Variants in MAPKBP1 observed in about 807,000 individuals in gnomAD.
MAPKBP1 encodes mitogen-activated protein kinase-binding protein 1.
MAPKBP1 carries 71 observed loss-of-function variants against 170.5 expected under a neutral mutation model. That is an observed-to-expected ratio of 0.42 (90% CI 0.34 to 0.51). MAPKBP1 has a LOEUF of 0.51. MAPKBP1 is among the 20% of genes least tolerant of loss of function. The pLI is 0.06. For synonymous variants in MAPKBP1, 719 were observed against 757.9 expected, an observed-to-expected ratio of 0.95 and a Z score of 0.84; for missense variants, 1,598 against 1,933.0, an observed-to-expected ratio of 0.83 and a Z score of 3.25.
At chr15:41,794,432 A>G (rs1290605339) in intron 2 of MAPKBP1, among the ~76,000 whole-genome samples, 1 of 152,158 alleles carries the variant, frequency 6.6e-6, no homozygotes, top group East Asian at 1.9e-4. Flanking sequence ...AATATTTGCT[A>G]TGCAATATTT....
Position 41,818,512 on chromosome 15 carries a change from T to G in MAPKBP1, c.2093-7T>G. On this transcript the variant is annotated splice_region_variant and splice_polypyrimidine_tract_variant and intron_variant, in intron 18 of 30. Coordinates refer to ENST00000457542, the MANE Select transcript of MAPKBP1 (RefSeq NM_014994.3). This position sits in a 1 kb window ranked among gnomAD's most constrained non-coding sequence, Gnocchi z 5.2. ...GGCTTATAGACCGTATTCTTTGTTC[T>G]TCACAGAGATTGTCACTGGCATGAA... is the stretch of plus-strand genomic sequence containing the variant. 1 of 1,611,714 alleles carries G rather than the reference T, an allele frequency of 6.2e-7. No individual in the cohort carries two copies. The highest frequency in any genetic ancestry group is 1.7e-4 in the Middle Eastern group (1 of 6,050).
chr15:41,785,106 C>G (rs2064261332), intron 2 of MAPKBP1, among the ~76,000 whole-genome samples: 1 of 152,092 alleles, frequency 6.6e-6, no homozygotes, highest in Non-Finnish European at 1.5e-5. Flanking sequence ...TAAGGGGTTG[C>G]TAATACTATC....
chr15:41,777,535 G>A (rs1053615474), intron 2 of MAPKBP1, among the ~76,000 whole-genome samples: 5 of 152,184 alleles, frequency 3.3e-5, no homozygotes, highest in Non-Finnish European at 1.5e-5. Flanking sequence ...TCCTGAAGCT[G>A]TGTATGAAAG....
At chr15:41,798,737 G>A (rs2064540686) in intron 2 of MAPKBP1, among the ~76,000 whole-genome samples, 1 of 152,184 alleles carries the variant, frequency 6.6e-6, no homozygotes, top group Non-Finnish European at 1.5e-5. Context: ...AAGTGTTTCT[G>A]GTTTACATTG....
At chr15:41,811,537 G>A in intron 5 of MAPKBP1, 1 of 653,760 alleles carries the variant, frequency 1.5e-6, no homozygotes. Flanking sequence ...TGCTGGTGAA[G>A]GAAGCGTGCT....
intron 21 of MAPKBP1, 38 bp from the exon 22 acceptor site, chr15:41,819,557 G>GGGA: frequency 1.4e-6 from 2 of 1,384,680 alleles, no homozygotes; most frequent in Non-Finnish European, 2.0e-6. Context: ...CGGGGGGGGG[G>GGGA]CAGGAGACAC....
At chr15:41,803,816 T>C (rs745832891) in intron 3 of MAPKBP1, among the ~76,000 whole-genome samples, 15 of 152,128 alleles carry the variant, frequency 9.9e-5, no homozygotes, top group Admixed American at 9.2e-4. Flanking sequence ...CTCTGATTGT[T>C]AAAATGGCAC....
intron 2 of MAPKBP1, among the ~76,000 whole-genome samples, chr15:41,797,943 TCAGAGATAA>T (rs1191279074): frequency 6.6e-6 from 1 of 152,004 alleles, no homozygotes; most frequent in African/African-American, 2.4e-5. Context: ...AAAACGATCT[TCAGAGATAA>T]GAATTTAAAC....
chr15:41,821,712 C>T lies in MAPKBP1; in HGVS notation c.2847C>T (p.Val949=), dbSNP rs1354478492. The change falls in exon 24 of 31, where the codon GTC becomes GTT. Residue 949 remains valine (V), a synonymous_variant. Transcript: ENST00000457542. ...CTGCACCCATTGAAGATGGTATTGT[C>T]TACCCGGAGCCGAGTGACAACCCCA... ...LEPAPIEDGI[V]YPEPSDNPTM... The T allele has an allele frequency of 6.2e-7, 1 of 1,614,148 alleles. No homozygotes were observed.
At chr15:41,816,482 A>G (rs774149258) in intron 12 of MAPKBP1, 77 bp from the exon 13 acceptor site, 4 of 968,682 alleles carry the variant, frequency 4.1e-6, no homozygotes, top group Non-Finnish European at 6.5e-6. Context: ...AGGAGGAGAA[A>G]ATGTAGCAGA....
chr15:41,822,165 G>C (rs972572315), intron 25 of MAPKBP1, 55 bp downstream of exon 25: 2 of 1,596,138 alleles, frequency 1.3e-6, no homozygotes, highest in Non-Finnish European at 1.7e-6. Flanking sequence ...GGAGGTGGGT[G>C]GGGAGGCTCT....
chr15:41,821,036 C>T lies in MAPKBP1; in HGVS notation c.2686C>T (p.Gln896Ter). The T allele has an allele frequency of 6.2e-7, 1 of 1,614,180 alleles. No homozygotes were observed. Among genetic ancestry groups the T allele is most frequent in the Non-Finnish European group, 8.5e-7 (1 of 1,180,024 alleles). Residue 896 changes from glutamine to a stop codon, truncating the protein, a stop_gained, in exon 23 of 31, where the codon CAG becomes TAG. Transcript: ENST00000457542. LOFTEE classifies it high-confidence loss of function. ...CCCATCTGGTCCCAGGAAGCATGGGCAGGAGGCCCTTGAGACTTCACTCAC... is the reference window on the plus strand; with the variant it reads ...CCCATCTGGTCCCAGGAAGCATGGGTAGGAGGCCCTTGAGACTTCACTCAC... ...IIPSGPRKHG[Q>*]EALETSLTSQ...
chr15:41,821,252 A>G, intron 23 of MAPKBP1, 184 bp downstream of exon 23: 3 of 658,188 alleles, frequency 4.6e-6, no homozygotes, highest in Admixed American at 2.8e-5. Flanking sequence ...CAGGATAGGC[A>G]GGGGAGGGGT....
chr15:41,788,228 T>G (rs1180893932), intron 2 of MAPKBP1, among the ~76,000 whole-genome samples: 1 of 152,184 alleles, frequency 6.6e-6, no homozygotes, highest in Non-Finnish European at 1.5e-5. Flanking sequence ...AGTGCTGGGA[T>G]TACAGGGGTC....
chr15:41,807,585 GGA>G (rs567117853), intron 3 of MAPKBP1, among the ~76,000 whole-genome samples: 40 of 152,202 alleles, frequency 2.6e-4, no homozygotes, highest in Non-Finnish European at 4.9e-4. Flanking sequence ...AGCCTTTGCT[GGA>G]GAGAGGAGTC....
At chr15:41,792,877 C>T (rs2064418631) in intron 2 of MAPKBP1, among the ~76,000 whole-genome samples, 1 of 152,116 alleles carries the variant, frequency 6.6e-6, no homozygotes, top group Non-Finnish European at 1.5e-5. Context: ...CTTGCTTCCT[C>T]ATGTGGAAAG....
At chr15:41,779,066 GT>G (rs2064141089) in intron 2 of MAPKBP1, among the ~76,000 whole-genome samples, 1 of 152,064 alleles carries the variant, frequency 6.6e-6, no homozygotes, top group Admixed American at 6.5e-5. Flanking sequence ...TTCCTGTATA[GT>G]TGTGTGGTGG....
Position 41,817,656 on chromosome 15 carries a change from C to G in MAPKBP1, c.1825C>G (p.Arg609Gly), listed in dbSNP as rs918872385. 2.5e-6 allele frequency: 4 copies of G among 1,614,186 alleles called. No homozygotes were observed. The highest frequency in any genetic ancestry group is 1.7e-6 in the Non-Finnish European group (2 of 1,180,022). ...GTTCACACGGACACACCACGTGGTG[C>G]GGAAGACGACCCTCTATGACATGGA... is the stretch of plus-strand genomic sequence containing the variant. ...VQFTRTHHVV[R>G]KTTLYDMDVE... The change falls in exon 16 of 31, where the codon CGG (arginine) becomes GGG (glycine). Residue 609 changes from arginine (R) to glycine (G), a missense_variant. Around this residue, in one of 6 missense-constraint regions of MAPKBP1, gnomAD observed 430 missense variants for 617.2 expected, o/e 0.70. Coordinates refer to ENST00000457542, the MANE Select transcript of MAPKBP1 (RefSeq NM_014994.3). This position sits in a 1 kb window ranked among gnomAD's most constrained non-coding sequence, Gnocchi z 4.2.
rs373718060 is a variant in MAPKBP1, at chr15:41,817,375, C to T, written c.1712-13C>T. On this transcript the variant is annotated splice_polypyrimidine_tract_variant and intron_variant, in intron 14 of 30. Transcript: ENST00000457542. This position sits in a 1 kb window ranked among gnomAD's most constrained non-coding sequence, Gnocchi z 4.2. ...GAGAACAGTGGGAACAGCTGGGCTT[C>T]CCTCCTTCATAGCCAGTGATGGGCA... 9 of 1,613,948 alleles carry T rather than the reference C, an allele frequency of 5.6e-6. No homozygotes were observed. The African/African-American group carries it at 1.2e-4, about 22-fold the overall frequency.
Sources: allele counts gnomAD v4.1 joint callset (sites outside exome capture counted in the v4.1 genomes callset), GRCh38; gene constraint gnomAD v4.1.1; regional missense constraint gnomAD v4.1.1; non-coding constraint Gnocchi (gnomAD v3.1); transcripts MANE v1.5; gene names NCBI Gene and HGNC (gene_info 2026-07-23, HGNC 2026-07-21).